The following TUNAR variants were observed in gnomAD, a reference collection of about 807,000 sequenced individuals.
TUNAR encodes transmembrane neural differentiation associated intracellular calcium regulator, also known as protein TUNAR.
At chr14:95,889,731 G>A (rs901768718) in intron 2 of TUNAR, among the ~76,000 whole-genome samples, 3 of 152,046 alleles carry the variant, frequency 2.0e-5, no homozygotes, top group African/African-American at 7.2e-5. Context: ...CTGGCTTCTG[G>A]CTGGTCTCTC....
chr14:95,882,983 A>C (rs1359873660), intron 2 of TUNAR, among the ~76,000 whole-genome samples: 1 of 152,184 alleles, frequency 6.6e-6, no homozygotes, highest in Non-Finnish European at 1.5e-5. Context: ...ACTTGTTCAG[A>C]GGGCTTTATT....
chr14:95,919,260 G>T (rs562208296), intron 2 of TUNAR, among the ~76,000 whole-genome samples: 1 of 152,208 alleles, frequency 6.6e-6, no homozygotes, highest in Non-Finnish European at 1.5e-5. Flanking sequence ...AATGTCAAAC[G>T]TATGCGTACC....
At chr14:95,904,241 G>C (rs944561890) in intron 2 of TUNAR, among the ~76,000 whole-genome samples, 2 of 152,180 alleles carry the variant, frequency 1.3e-5, no homozygotes, top group Non-Finnish European at 2.9e-5. Flanking sequence ...CCTGTGGGGG[G>C]GCCTGGGTGG....
chr14:95,894,051 C>T (rs1239765402), intron 2 of TUNAR, among the ~76,000 whole-genome samples: 3 of 152,244 alleles, frequency 2.0e-5, no homozygotes, highest in Non-Finnish European at 4.4e-5. Context: ...GTGGAGATGA[C>T]TGCTCAGGGA....
chr14:95,885,926 A>C (rs1395843360), intron 2 of TUNAR, among the ~76,000 whole-genome samples: 1 of 152,004 alleles, frequency 6.6e-6, no homozygotes, highest in Non-Finnish European at 1.5e-5. Context: ...GCTTGTCTGT[A>C]TCTGTTGTCT....
intron 2 of TUNAR, among the ~76,000 whole-genome samples, chr14:95,883,064 C>G (rs529343939): frequency 2.0e-5 from 3 of 152,190 alleles, no homozygotes; most frequent in Non-Finnish European, 2.9e-5. Flanking sequence ...ACTTCTAAAA[C>G]AGTACGTCCA....
exon 3 of TUNAR, chr14:95,924,304 T>C (rs936090199): frequency 1.3e-5 from 2 of 152,196 alleles, no homozygotes; most frequent in African/African-American, 4.8e-5. Context: ...CCTAAAGGAC[T>C]TCTGTATTTT....
At chr14:95,879,852 A>G (rs1353103767) in intron 2 of TUNAR, among the ~76,000 whole-genome samples, 12 of 152,204 alleles carry the variant, frequency 7.9e-5, no homozygotes, top group Admixed American at 7.9e-4. Context: ...CAGTGATGAG[A>G]CATTTCCCTT....
chr14:95,882,089 A>G (rs368532290), intron 2 of TUNAR, among the ~76,000 whole-genome samples: 13 of 152,222 alleles, frequency 8.5e-5, no homozygotes, highest in South Asian at 2.1e-4. Flanking sequence ...AAGCTTGACT[A>G]TGCTTCATCT....
intron 2 of TUNAR, among the ~76,000 whole-genome samples, chr14:95,918,106 T>G (rs1889635154): frequency 6.6e-6 from 1 of 152,218 alleles, no homozygotes; most frequent in African/African-American, 2.4e-5. Flanking sequence ...ATTTTTTAAA[T>G]TTTATTTTTT....
Position 95,909,835 on chromosome 14 carries a change from G to A in TUNAR, c.13-12946G>A, listed in dbSNP as rs547039938. On this transcript the variant is annotated intron_variant, in intron 2 of 2. Transcript: ENST00000678517. ...CAAGAGATGGTGACAGGATAGGGCA[G>A]GAGTTGCCCAGACATCCGAAGACGG... 5.3e-5 allele frequency among the ~76,000 whole-genome samples: 8 copies of A among 152,344 alleles called. No individual in the cohort carries two copies. In the East Asian group the frequency reaches 1.5e-3, roughly 30 times the overall value.
chr14:95,891,979 C>T (rs191528682), intron 2 of TUNAR, among the ~76,000 whole-genome samples: 2 of 152,242 alleles, frequency 1.3e-5, no homozygotes, highest in Admixed American at 6.5e-5. Context: ...TGTCCAAATC[C>T]TCTATTTTCC....
chr14:95,909,371 C>T (rs941926535), intron 2 of TUNAR, among the ~76,000 whole-genome samples: 10 of 150,800 alleles, frequency 6.6e-5, no homozygotes, highest in Admixed American at 2.6e-4. Context: ...ACAACCTCCT[C>T]CTCCCGGGTT....
At chr14:95,924,870 T>C (rs1308033104) in exon 3 of TUNAR, 1 of 152,270 alleles carries the variant, frequency 6.6e-6, no homozygotes, top group Non-Finnish European at 1.5e-5. Flanking sequence ...TTCAAATGAT[T>C]CTGAGGCTTC....
chr14:95,885,455 C>T (rs564601545), intron 2 of TUNAR, among the ~76,000 whole-genome samples: 6 of 152,092 alleles, frequency 3.9e-5, no homozygotes, highest in African/African-American at 9.6e-5. Flanking sequence ...TGGGTTTGGC[C>T]GGGGGAGGGT....
At chr14:95,891,045 G>A (rs554642291) in intron 2 of TUNAR, among the ~76,000 whole-genome samples, 3 of 152,336 alleles carry the variant, frequency 2.0e-5, no homozygotes, top group South Asian at 4.1e-4. Flanking sequence ...GCAGGGAAGC[G>A]ACATGATCTA....
At chr14:95,922,355 C>T (rs1889711342) in intron 2 of TUNAR, among the ~76,000 whole-genome samples, 1 of 152,246 alleles carries the variant, frequency 6.6e-6, no homozygotes, top group Non-Finnish European at 1.5e-5. Context: ...ATGCCCCATA[C>T]ACACTTTGTG....
At chr14:95,908,454 C>T (rs962199072) in intron 2 of TUNAR, among the ~76,000 whole-genome samples, 1 of 152,172 alleles carries the variant, frequency 6.6e-6, no homozygotes, top group African/African-American at 2.4e-5. Context: ...TCCCATCTGT[C>T]CTCTTAGCAT....
At chr14:95,904,733 T>G (rs1019342733) in intron 2 of TUNAR, among the ~76,000 whole-genome samples, 1 of 152,200 alleles carries the variant, frequency 6.6e-6, no homozygotes, top group African/African-American at 2.4e-5. Context: ...CCCTGATTGC[T>G]TCTGAGAACC....
Sources: allele counts gnomAD v4.1 joint callset (sites outside exome capture counted in the v4.1 genomes callset), GRCh38; gene constraint gnomAD v4.1.1; transcripts MANE v1.5; gene names NCBI Gene and HGNC (gene_info 2026-07-23, HGNC 2026-07-21).